The following LAMB4 variants were observed in gnomAD, a reference collection of about 807,000 sequenced individuals.
LAMB4 encodes the protein laminin subunit beta-4.
LAMB4 carries 196 observed loss-of-function variants against 199.2 expected under a neutral mutation model. The observed-to-expected ratio is 0.98, with a 90% CI of 0.88 to 1.11. LAMB4 has a LOEUF of 1.11. LAMB4 is among the 50% of genes least tolerant of loss of function. LAMB4 has a pLI of 0.00. For missense variants in LAMB4, 2,080 were observed against 2,171.2 expected, an observed-to-expected ratio of 0.96 and a Z score of 0.83; for synonymous variants, 744 against 770.6, an observed-to-expected ratio of 0.97 and a Z score of 0.57.
intron 1 of LAMB4, among the ~76,000 whole-genome samples, chr7:108,126,032 G>T (rs1482945433): frequency 1.3e-5 from 2 of 152,192 alleles, no homozygotes; most frequent in African/African-American, 4.8e-5. Context: ...AACTAGAAGA[G>T]ATACAATTTC....
In LAMB4 at chr7:108,062,754, T is replaced by A; in HGVS notation, c.3282+20A>T. 1.5e-6 allele frequency: 2 copies of A among 1,351,422 alleles called. No homozygotes were observed. Among genetic ancestry groups the A allele is most frequent in the Non-Finnish European group, 1.9e-6 (2 of 1,030,930 alleles). The allele number at this position is 1,351,422 out of a possible 1,614,324, so 83.7% of individuals were successfully genotyped here. Reference sequence around the variant, plus strand: ...ATCATGCTCACTTTGAGTGCACTAGTAAGCTTTAAAGTATCTTGCCTGGTC... The same window carrying A: ...ATCATGCTCACTTTGAGTGCACTAGAAAGCTTTAAAGTATCTTGCCTGGTC... On this transcript the variant is annotated intron_variant, in intron 23 of 33. Transcript: ENST00000388781.
intron 5 of LAMB4, among the ~76,000 whole-genome samples, chr7:108,108,076 G>T (rs1484859161): frequency 6.6e-6 from 1 of 152,070 alleles, no homozygotes; most frequent in African/African-American, 2.4e-5. Flanking sequence ...GAGTAGCTGG[G>T]GCTAGAGGTG....
chr7:108,079,983 A>G (rs2036867519), intron 14 of LAMB4, among the ~76,000 whole-genome samples, 197 bp from the exon 15 acceptor site: 1 of 152,168 alleles, frequency 6.6e-6, no homozygotes, highest in South Asian at 2.1e-4. Context: ...GCAGCTTTGG[A>G]ACATATGTTA....
Position 108,101,141 on chromosome 7 carries a change from A to G in LAMB4, c.1180+1903T>C, listed in dbSNP as rs1317306920. Among the ~76,000 whole-genome samples the G allele has an allele frequency of 3.9e-5, 6 of 152,254 alleles. No individual in the cohort carries two copies. The South Asian group carries it at 8.3e-4, about 21-fold the overall frequency. On this transcript the variant is annotated intron_variant, in intron 10 of 33. Coordinates refer to ENST00000388781, the MANE Select transcript of LAMB4 (RefSeq NM_007356.3). ...CCCCACTTTAGCATTATATGGATAT[A>G]CCCTAAGAAGCGGGATCCCTGAGTC...
chr7:108,024,406 A>G (rs762667730), intron 33 of LAMB4, among the ~76,000 whole-genome samples: 1 of 152,246 alleles, frequency 6.6e-6, no homozygotes, highest in Non-Finnish European at 1.5e-5. Flanking sequence ...AAAGGCATTT[A>G]TCAATGTGAG....
In LAMB4 at chr7:108,103,221, T is replaced by G. The variant is rs760199243; in HGVS notation, c.1003A>C (p.Asn335His). Residue 335 changes from asparagine (N) to histidine (H), a missense_variant, in exon 10 of 34, where the codon AAT becomes CAT. Asn to His is a moderately conservative substitution (Grantham distance 68, BLOSUM62 1). Coordinates refer to ENST00000388781, the MANE Select transcript of LAMB4 (RefSeq NM_007356.3). ...QDNACRSCSC[N>H]SHSSRCHFDM... ...AAGTGACAGCGGCTGGAGTGGCTAT[T>G]ACAGCTGCACGCTGAAAGGAGAAGA... 6.4e-7 allele frequency: 1 copy of G among 1,559,072 alleles called. No homozygotes were observed. The highest frequency in any genetic ancestry group is 2.4e-5 in the East Asian group (1 of 42,176).
intron 2 of LAMB4, among the ~76,000 whole-genome samples, chr7:108,116,524 T>C (rs1458013161): frequency 1.3e-5 from 2 of 152,164 alleles, no homozygotes; most frequent in East Asian, 1.9e-4. Context: ...TTATTTGCAA[T>C]GGACACCCGC....
chr7:108,109,233 C>T lies in LAMB4; in HGVS notation c.340G>A (p.Val114Ile), dbSNP rs148590177. 9.9e-6 allele frequency: 16 copies of T among 1,612,442 alleles called. No individual in the cohort carries two copies. The African/African-American group carries it at 2.1e-4, about 22-fold the overall frequency. ...GCCTCTAAGTCCAGTCTGATGCTGA[C>T]ATGATCAAGACCTAAGGAAGAATCC... ...WWQSENGLDH[V>I]SIRLDLEALF... Residue 114 changes from valine (V) to isoleucine (I), a missense_variant, in exon 5 of 34, where the codon GTC becomes ATC. By Grantham distance (29) the Val-to-Ile change is conservative. Coordinates refer to ENST00000388781, the MANE Select transcript of LAMB4 (RefSeq NM_007356.3).
intron 21 of LAMB4, among the ~76,000 whole-genome samples, chr7:108,064,575 C>T (rs1266530805): frequency 6.6e-6 from 1 of 152,162 alleles, no homozygotes; most frequent in Non-Finnish European, 1.5e-5. Flanking sequence ...TTTAGGTGCC[C>T]AAACTGTGGC....
rs138458523 is a variant in LAMB4, at chr7:108,030,866, G to A, written c.4932C>T (p.His1644=). The A allele has an allele frequency of 4.3e-5, 70 of 1,614,086 alleles. No individual in the cohort carries two copies. The highest frequency in any genetic ancestry group is 5.3e-5 in the Non-Finnish European group (63 of 1,180,000). The change falls in exon 32 of 34, where the codon CAC becomes CAT. Residue 1644 remains histidine (H), a synonymous_variant. Coordinates refer to ENST00000388781, the MANE Select transcript of LAMB4 (RefSeq NM_007356.3). ...LQTKLQRHQD[H]AVNAKVQAES... The stretch of plus-strand genomic sequence containing the variant: ...CAGCCTGAACTTTCGCATTGACAGC[G>A]TGGTCTTGATGCCTTTGCAACTTGG...
chr7:108,025,713 C>A (rs531365026), intron 33 of LAMB4, among the ~76,000 whole-genome samples: 1 of 152,236 alleles, frequency 6.6e-6, no homozygotes, highest in East Asian at 1.9e-4. Flanking sequence ...CAGGCATGGG[C>A]CACCACACCT....
intron 17 of LAMB4, among the ~76,000 whole-genome samples, chr7:108,073,406 G>A (rs2036598807): frequency 6.6e-6 from 1 of 152,200 alleles, no homozygotes; most frequent in South Asian, 2.1e-4. Context: ...TTAAAAAGAA[G>A]AATGGCAGTT....
rs1247308640 is a variant in LAMB4, at chr7:108,043,774, T to G, written c.4449A>C (p.Lys1483Asn). Residue 1483 changes from lysine to asparagine, a missense_variant, in exon 29 of 34, where the codon AAA (lysine) becomes AAC (asparagine). Lys to Asn is a moderately conservative substitution (Grantham distance 94). Coordinates refer to ENST00000388781, the MANE Select transcript of LAMB4 (RefSeq NM_007356.3). ...SEEENINLFIKKVKNFLLEEN... is the reference protein window; with the variant it reads ...SEEENINLFINKVKNFLLEEN... ...TACCTAACAAAAAGTTTTTCACTTT[T>G]TTGATGAAAAGATTGATGTTTTCTT... 6.3e-7 allele frequency: 1 copy of G among 1,586,468 alleles called. No homozygotes were observed. The highest frequency in any genetic ancestry group is 2.2e-5 in the East Asian group (1 of 44,518).
intron 1 of LAMB4, among the ~76,000 whole-genome samples, chr7:108,127,677 G>A (rs1243270098): frequency 1.3e-5 from 2 of 152,138 alleles, no homozygotes; most frequent in Non-Finnish European, 2.9e-5. Flanking sequence ...ACAGACTCTG[G>A]GATGGGGCCC....
At chr7:108,049,856 T>C (rs1213451971) in intron 26 of LAMB4, among the ~76,000 whole-genome samples, 4 of 152,180 alleles carry the variant, frequency 2.6e-5, no homozygotes, top group Admixed American at 2.6e-4. Context: ...AAATTGGTGA[T>C]AATAATTTGT....
In LAMB4 at chr7:108,077,058, C is replaced by T; in HGVS notation, c.2010G>A (p.Met670Ile). Reference protein sequence around the residue: ...SFALPAATRIMLLPTPICLEP... With the variant: ...SFALPAATRIILLPTPICLEP... ...CTAAACAGATGGGTGTGGGAAGCAGCATGATTCTGTATTAAGAAAGATAAA... is the reference window on the plus strand; with the variant it reads ...CTAAACAGATGGGTGTGGGAAGCAGTATGATTCTGTATTAAGAAAGATAAA... Residue 670 changes from methionine to isoleucine, a missense_variant, in exon 17 of 34, where the codon ATG becomes ATA. Coordinates refer to ENST00000388781, the MANE Select transcript of LAMB4 (RefSeq NM_007356.3). The T allele has an allele frequency of 6.2e-7, 1 of 1,613,402 alleles. No individual in the cohort carries two copies. Among genetic ancestry groups the T allele is most frequent in the Admixed American group, 1.7e-5 (1 of 59,910 alleles).
chr7:108,105,978 C>G lies in LAMB4; in HGVS notation c.709G>C (p.Gly237Arg). 6.2e-7 allele frequency: 1 copy of G among 1,614,170 alleles called. No individual in the cohort carries two copies. The highest frequency in any genetic ancestry group is 1.1e-5 in the South Asian group (1 of 91,086). ...TGCCTCCTTCCAAGCAAAGCATCCC[C>G]AAGGGTGTGGAGCTTGGTAAAGTTT... ...RINFTKLHTLGDALLGRRQND... is the reference protein window; with the variant it reads ...RINFTKLHTLRDALLGRRQND... The change falls in exon 8 of 34, where the codon GGG becomes CGG. Residue 237 changes from glycine (G) to arginine (R), a missense_variant. Transcript: ENST00000388781.
intron 17 of LAMB4, among the ~76,000 whole-genome samples, chr7:108,071,358 T>C (rs555544528): frequency 6.6e-6 from 1 of 151,988 alleles, no homozygotes; most frequent in Non-Finnish European, 1.5e-5. Context: ...CCCCCCTAAC[T>C]CCACACCTAC....
chr7:108,042,265 G>C (rs539032152), intron 29 of LAMB4, among the ~76,000 whole-genome samples: 24 of 152,200 alleles, frequency 1.6e-4, no homozygotes, highest in African/African-American at 5.5e-4. Context: ...ATGCCTAGTT[G>C]TAATGATAGT....
Sources: gnomAD v4.1 joint callset for allele counts (sites outside exome capture counted in the v4.1 genomes callset) on GRCh38, gnomAD v4.1.1 for gene constraint, MANE v1.5 for transcripts, NCBI Gene and HGNC (gene_info 2026-07-23, HGNC 2026-07-21) for gene names.